Variants in ZNF700 observed in about 807,000 individuals in gnomAD.
ZNF700 encodes the protein zinc finger protein 700.
A neutral mutation model predicts 65.3 loss-of-function variants in ZNF700; 38 were observed. The ratio of observed to expected loss-of-function variants is 0.58; its 90% CI spans 0.45 to 0.76. ZNF700 has a LOEUF of 0.76. Among genes scored for constraint, ZNF700 ranks in the 30% least tolerant of loss-of-function variants. The pLI, the probability that ZNF700 is intolerant of heterozygous loss-of-function variation, is 0.00. For synonymous variants in ZNF700, 285 were observed against 290.4 expected (o/e 0.98, Z 0.19); for missense variants, 857 against 888.4 (o/e 0.96, Z 0.45).
At chr19:11,928,304 C>T (rs1972662680) in intron 1 of ZNF700, among the ~76,000 whole-genome samples, 1 of 152,106 alleles carries the variant, frequency 6.6e-6, no homozygotes, top group Non-Finnish European at 1.5e-5. Flanking sequence ...CAACTTAATT[C>T]GTAATGGTTT....
chr19:11,928,129 A>C, intron 1 of ZNF700, among the ~76,000 whole-genome samples: 1 of 152,048 alleles, frequency 6.6e-6, no homozygotes, highest in East Asian at 1.9e-4. Flanking sequence ...TAAGACTACA[A>C]TTGCCCACCA....
intron 1 of ZNF700, among the ~76,000 whole-genome samples, chr19:11,933,648 C>T (rs929398624): frequency 6.8e-6 from 1 of 147,958 alleles, no homozygotes; most frequent in Non-Finnish European, 1.5e-5. Context: ...TTCAGACTTG[C>T]TTCCTCGATG....
chr19:11,947,153 C>T (rs1972972306), intron 1 of ZNF700, 28 bp from the exon 2 acceptor site: 2 of 1,608,452 alleles, frequency 1.2e-6, no homozygotes, highest in Non-Finnish European at 8.5e-7. Context: ...TCTCACCCAT[C>T]TTCCTCTACA....
intron 1 of ZNF700, chr19:11,939,946 C>G (rs759174733): frequency 6.8e-6 from 1 of 146,272 alleles, no homozygotes; most frequent in African/African-American, 2.7e-5. Flanking sequence ...TGTAACAAGA[C>G]GTTTTCTTTT....
intron 1 of ZNF700, among the ~76,000 whole-genome samples, chr19:11,945,268 A>G (rs1483005269): frequency 1.3e-5 from 2 of 152,132 alleles, no homozygotes; most frequent in Non-Finnish European, 2.9e-5. Flanking sequence ...AGTACTGCAA[A>G]GTTTGGGATC....
intron 1 of ZNF700, among the ~76,000 whole-genome samples, chr19:11,933,498 C>T (rs1289144072): frequency 6.8e-6 from 1 of 147,676 alleles, no homozygotes; most frequent in Admixed American, 6.6e-5. Flanking sequence ...CTCAAAATCC[C>T]CTGTGCTCTT....
chr19:11,931,592 CT>C (rs1230638404), intron 1 of ZNF700, among the ~76,000 whole-genome samples: 1 of 147,834 alleles, frequency 6.8e-6, no homozygotes, highest in African/African-American at 2.7e-5. Context: ...TTAGAAGTAC[CT>C]TTTTCTTAAT....
At chr19:11,935,765 GATACATAGGTATAAC>G (rs1228838600) in intron 1 of ZNF700, among the ~76,000 whole-genome samples, 1 of 152,190 alleles carries the variant, frequency 6.6e-6, no homozygotes, top group Non-Finnish European at 1.5e-5. Flanking sequence ...GTGCAGGTTT[GATACATAGGTATAAC>G]ATGTGCCGTG....
chr19:11,949,666 T>C lies in ZNF700; in HGVS notation c.1642T>C (p.Cys548Arg), dbSNP rs1973028626. ...CCAATGTGGTAAAGCCTTCAGATGT[T>C]GCAATTCCCTTCGATATCATGAAAG... Reference protein sequence around the residue: ...CNQCGKAFRCCNSLRYHERTH... With the variant: ...CNQCGKAFRCRNSLRYHERTH... The change falls in exon 4 of 4, where the codon TGC becomes CGC. Residue 548 changes from cysteine (C) to arginine (R), a missense_variant. Cys to Arg is a radical substitution (Grantham distance 180). This residue lies in a region of ZNF700 where 251 missense variants were observed against 250.3 expected (regional missense o/e 1.00). Transcript: ENST00000254321. 6.2e-7 allele frequency: 1 copy of C among 1,611,846 alleles called. No individual in the cohort carries two copies. The highest frequency in any genetic ancestry group is 1.4e-5 in the African/African-American group (1 of 74,066).
rs143885645 is a variant in ZNF700, at chr19:11,930,674, A to G, written c.63+5401A>G. 3.8e-4 allele frequency among the ~76,000 whole-genome samples: 57 copies of G among 148,220 alleles called. 6 individuals carry two copies. The highest frequency in any genetic ancestry group is 1.4e-3 in the African/African-American group (55 of 37,940). ...TCACCACTTGTATCATTGGCTGACA[A>G]TACCTGGTTTGTCATAGTTTCACAT... is the stretch of plus-strand genomic sequence containing the variant. On this transcript the variant is annotated intron_variant, in intron 1 of 3. Transcript: ENST00000254321.
chr19:11,930,061 G>A (rs1421357871), intron 1 of ZNF700, among the ~76,000 whole-genome samples: 1 of 148,090 alleles, frequency 6.8e-6, no homozygotes, highest in East Asian at 1.9e-4. Flanking sequence ...GGTCTAGTGG[G>A]TATCTGTGCC....
At chr19:11,941,359 G>A (rs985453205) in intron 1 of ZNF700, among the ~76,000 whole-genome samples, 8 of 152,238 alleles carry the variant, frequency 5.3e-5, no homozygotes, top group South Asian at 2.1e-4. Flanking sequence ...GGCGCTCATC[G>A]GGGAGGCTCG....
intron 1 of ZNF700, among the ~76,000 whole-genome samples, chr19:11,935,723 A>G (rs1972785156): frequency 6.6e-6 from 1 of 152,162 alleles, no homozygotes; most frequent in African/African-American, 2.4e-5. Context: ...TTTTTAAATT[A>G]TACTTTAAGT....
chr19:11,935,787 C>T (rs904005948), intron 1 of ZNF700, among the ~76,000 whole-genome samples: 3 of 152,112 alleles, frequency 2.0e-5, no homozygotes, highest in East Asian at 1.9e-4. Context: ...TAACATGTGC[C>T]GTGTTGGTTT....
chr19:11,940,203 T>G (rs1972859412), intron 1 of ZNF700, among the ~76,000 whole-genome samples: 1 of 152,228 alleles, frequency 6.6e-6, no homozygotes, highest in Non-Finnish European at 1.5e-5. Flanking sequence ...GTGCTGGGCT[T>G]ATAGGCATGA....
rs1487444897 is a variant in ZNF700, at chr19:11,933,827, G to A, written c.63+8554G>A. Among the ~76,000 whole-genome samples the A allele has an allele frequency of 1.7e-4, 25 of 143,854 alleles. 1 individual carries two copies. Among genetic ancestry groups the A allele is most frequent in the African/African-American group, 6.6e-4 (23 of 34,970 alleles). The allele number at this position is 143,854 out of a possible 152,430, so 94.4% of individuals were successfully genotyped here. ...GCCACTGCACTCTAGCCTGGGTGACGGAGCAAGACTCCATCTCAGAAAAAA... is the reference window on the plus strand; with the variant it reads ...GCCACTGCACTCTAGCCTGGGTGACAGAGCAAGACTCCATCTCAGAAAAAA... On this transcript the variant is annotated intron_variant, in intron 1 of 3. Coordinates refer to ENST00000254321, the MANE Select transcript of ZNF700 (RefSeq NM_144566.3).
Position 11,948,660 on chromosome 19 carries a change from C to T in ZNF700, c.636C>T (p.His212=). 1 of 1,611,326 alleles carries T rather than the reference C, an allele frequency of 6.2e-7. No individual in the cohort carries two copies. Among genetic ancestry groups the T allele is most frequent in the Non-Finnish European group, 8.5e-7 (1 of 1,179,406 alleles). ...TFIFHSSIRR[H]MVMHSGDGTY... ...TTTTCCATTCAAGCATTCGAAGACA[C>T]ATGGTAATGCACAGTGGGGATGGAA... Residue 212 remains histidine (H), a synonymous_variant, in exon 4 of 4, where the codon CAC becomes CAT. Transcript: ENST00000254321.
intron 1 of ZNF700, among the ~76,000 whole-genome samples, chr19:11,928,731 C>CA (rs779525520): frequency 0.016 from 820 of 52,848 alleles, 12 homozygotes; most frequent in South Asian, 0.028. Context: ...GACTCCGTCT[C>CA]AAAAAAAAAA....
At chr19:11,946,828 C>G in intron 1 of ZNF700, 1 of 194,862 alleles carries the variant, frequency 5.1e-6, no homozygotes, top group East Asian at 1.5e-4. Flanking sequence ...AACACTCACA[C>G]TACAAGAGGG....
Sources: gnomAD v4.1 joint callset for allele counts (sites outside exome capture counted in the v4.1 genomes callset) on GRCh38, gnomAD v4.1.1 for gene constraint, gnomAD v4.1.1 regional missense constraint, MANE v1.5 for transcripts, NCBI Gene and HGNC (gene_info 2026-07-23, HGNC 2026-07-21) for gene names.